ZNF567: variants seen among roughly 807,000 people sequenced by gnomAD.
The protein encoded by ZNF567 is zinc finger protein 567.
Under a neutral mutation model 53.9 loss-of-function variants are expected in ZNF567, and 36 were observed. The ratio of observed to expected loss-of-function variants is 0.67; its 90% CI spans 0.51 to 0.88. ZNF567 has a LOEUF of 0.88. Among genes scored for constraint, ZNF567 ranks in the 40% least tolerant of loss-of-function variants. ZNF567 has a pLI of 0.00. For missense variants in ZNF567, 619 were observed against 764.7 expected (o/e 0.81, Z 2.25); for synonymous variants, 224 against 260.4 (o/e 0.86, Z 1.35).
chr19:36,697,802 G>A (rs2038960985), intron 3 of ZNF567, among the ~76,000 whole-genome samples: 1 of 151,756 alleles, frequency 6.6e-6, no homozygotes, highest in South Asian at 2.1e-4. Flanking sequence ...AGTAGAGACA[G>A]CATTTCACCA....
At chr19:36,703,274 G>A (rs1015519953) in intron 3 of ZNF567, among the ~76,000 whole-genome samples, 14 of 152,200 alleles carry the variant, frequency 9.2e-5, no homozygotes, top group South Asian at 8.3e-4. Flanking sequence ...CTGTCTGATC[G>A]GTCCTCTGGA....
In ZNF567 at chr19:36,703,916, G is replaced by A. The variant is rs183290886; in HGVS notation, c.10-8470G>A. On this transcript the variant is annotated intron_variant, in intron 3 of 5. Coordinates refer to ENST00000682579, the MANE Select transcript of ZNF567 (RefSeq NM_001322917.1). ...GCAATGCCTCGCCCTGCTTCGTCTC[G>A]CGCATGGTGCGCTGCACCCACTGTC... 1.0e-3 allele frequency among the ~76,000 whole-genome samples: 152 copies of A among 152,248 alleles called. 1 individual carries two copies. Among genetic ancestry groups the A allele is most frequent in the South Asian group, 3.7e-3 (18 of 4,830 alleles).
At chr19:36,673,096 T>A in the ZNF567 span, among the ~76,000 whole-genome samples, 60 of 152,332 alleles carry the variant, frequency 3.9e-4, no homozygotes, top group East Asian at 5.6e-3. Flanking sequence ...GTTAACTTTA[T>A]ATCAGTTTTT....
intron 3 of ZNF567, among the ~76,000 whole-genome samples, chr19:36,697,925 T>C (rs1406768606): frequency 1.3e-5 from 2 of 151,604 alleles, no homozygotes; most frequent in Non-Finnish European, 1.5e-5. Flanking sequence ...TTTCTTTTTT[T>C]TTTTTTTTTT....
At chr19:36,709,028 T>C (rs1466340764) in intron 3 of ZNF567, among the ~76,000 whole-genome samples, 1 of 152,248 alleles carries the variant, frequency 6.6e-6, no homozygotes, top group East Asian at 1.9e-4. Flanking sequence ...CATTTATTAA[T>C]ACCTGTCTTT....
downstream of ZNF567, among the ~76,000 whole-genome samples, chr19:36,723,931 G>C (rs1460475087): frequency 1.3e-5 from 2 of 149,374 alleles, no homozygotes; most frequent in African/African-American, 2.5e-5. Flanking sequence ...GTTTTAACAT[G>C]TTCTTTGTAT....
rs977923843 is a variant in ZNF567, at chr19:36,687,651, C to T, written c.-168+17C>T. ...CAACCGAAGGTGAGGCTGGTGGGTCCCGCGGGCGCGGAGAAGGCGGGTGAC... is the reference window on the plus strand; with the variant it reads ...CAACCGAAGGTGAGGCTGGTGGGTCTCGCGGGCGCGGAGAAGGCGGGTGAC... On this transcript the variant is annotated intron_variant, in intron 1 of 5. Transcript: ENST00000682579. The T allele has an allele frequency of 2.6e-5, 4 of 152,576 alleles. No individual in the cohort carries two copies. Among genetic ancestry groups the T allele is most frequent in the South Asian group, 2.1e-4 (1 of 4,842 alleles). The allele number at this position is 152,576 out of a possible 1,614,324, so 9.5% of individuals were successfully genotyped here.
the ZNF567 span, among the ~76,000 whole-genome samples, chr19:36,667,065 G>A: frequency 1.3e-5 from 2 of 152,184 alleles, no homozygotes; most frequent in African/African-American, 4.8e-5. Flanking sequence ...GGCGGCCTCC[G>A]CGGGCTGTGG....
the ZNF567 span, among the ~76,000 whole-genome samples, chr19:36,667,907 C>T: frequency 6.6e-6 from 1 of 151,800 alleles, no homozygotes; most frequent in African/African-American, 2.4e-5. Context: ...CCTCGGCCTC[C>T]CAAAGTGCTG....
chr19:36,689,196 CTT>C (rs2038451347), intron 1 of ZNF567, among the ~76,000 whole-genome samples, 199 bp from the exon 2 acceptor site: 1 of 150,226 alleles, frequency 6.7e-6, no homozygotes, highest in South Asian at 2.1e-4. Context: ...CAGAAAAAAA[CTT>C]TATCTCATAA....
At chr19:36,696,782 G>A (rs1354810218) in intron 3 of ZNF567, among the ~76,000 whole-genome samples, 1 of 152,026 alleles carries the variant, frequency 6.6e-6, no homozygotes, top group Non-Finnish European at 1.5e-5. Flanking sequence ...TTTGTTTTCT[G>A]TGCTTTTGTG....
chr19:36,718,818 C>T (rs980943027), intron 5 of ZNF567, 130 bp from the exon 6 acceptor site: 5 of 644,890 alleles, frequency 7.8e-6, no homozygotes, highest in African/African-American at 7.5e-5. Flanking sequence ...CCCCTCCCCG[C>T]ACCCCTGCCA....
intron 2 of ZNF567, among the ~76,000 whole-genome samples, chr19:36,694,287 T>C (rs372475276): frequency 7.6e-4 from 115 of 152,136 alleles, no homozygotes; most frequent in African/African-American, 2.7e-3. Context: ...TGATAGAAAA[T>C]GAAATAAATG....
downstream of ZNF567, among the ~76,000 whole-genome samples, chr19:36,724,715 G>A (rs1445606801): frequency 6.6e-6 from 1 of 151,114 alleles, no homozygotes; most frequent in Non-Finnish European, 1.5e-5. Context: ...GAGCTTGGTG[G>A]TGGGGTTCTA....
At chr19:36,674,502 G>A in the ZNF567 span, among the ~76,000 whole-genome samples, 3 of 152,086 alleles carry the variant, frequency 2.0e-5, no homozygotes, top group African/African-American at 4.8e-5. Context: ...GGTACTAATG[G>A]AGCAAGGCTG....
chr19:36,719,720 A>G lies in ZNF567; in HGVS notation c.996A>G (p.Thr332=), dbSNP rs765641272. ...TALTDHQRTH[T]GEKSYECLQC... ...TCACTGATCATCAGAGAACACACAC[A>G]GGGGAGAAATCGTATGAATGTCTGC... is the stretch of plus-strand genomic sequence containing the variant. Residue 332 remains threonine (T), a synonymous_variant, in exon 6 of 6, where the codon ACA becomes ACG. Transcript: ENST00000682579. 5.0e-6 allele frequency: 8 copies of G among 1,614,094 alleles called. No homozygotes were observed. The South Asian group carries it at 7.7e-5, about 16-fold the overall frequency.
At chr19:36,718,832 CA>C in intron 5 of ZNF567, 115 bp from the exon 6 acceptor site, 1 of 758,782 alleles carries the variant, frequency 1.3e-6, no homozygotes, top group South Asian at 2.5e-5. Flanking sequence ...CCTGCCAGGC[CA>C]GTGGTCATTT....
At chr19:36,713,705 C>G (rs546567592) in intron 5 of ZNF567, among the ~76,000 whole-genome samples, 1 of 152,084 alleles carries the variant, frequency 6.6e-6, no homozygotes, top group Non-Finnish European at 1.5e-5. Context: ...GAGGCTGAGG[C>G]GGGCAGATCA....
intron 2 of ZNF567, among the ~76,000 whole-genome samples, chr19:36,689,721 G>A (rs1412397384): frequency 6.6e-6 from 1 of 152,062 alleles, no homozygotes; most frequent in Admixed American, 6.5e-5. Context: ...CTAGTGCTAA[G>A]GTGAGAATTA....
Sources: gnomAD v4.1 joint callset for allele counts (sites outside exome capture counted in the v4.1 genomes callset) on GRCh38, gnomAD v4.1.1 for gene constraint, MANE v1.5 for transcripts, NCBI Gene and HGNC (gene_info 2026-07-23, HGNC 2026-07-21) for gene names.